ABCC8: variants seen among roughly 807,000 people sequenced by gnomAD.
ABCC8 encodes the protein ATP binding cassette subfamily C member 8.
In ABCC8, 137 loss-of-function variants were observed where a neutral mutation model predicts 188.0. That is an observed-to-expected ratio of 0.73 (90% CI 0.63 to 0.84). ABCC8 has a LOEUF of 0.84. Among genes scored for constraint, ABCC8 ranks in the 40% least tolerant of loss-of-function variants. The pLI is 0.00. For missense variants in ABCC8, 1,750 were observed against 2,072.7 expected (o/e 0.84, Z 3.02); for synonymous variants, 797 against 846.5 (o/e 0.94, Z 1.01).
At chr11:17,451,605 C>G (rs1293730862) in intron 7 of ABCC8, among the ~76,000 whole-genome samples, 1 of 152,236 alleles carries the variant, frequency 6.6e-6, no homozygotes, top group South Asian at 2.1e-4. Flanking sequence ...TCCTGTCTCC[C>G]ACATGACTAA....
chr11:17,428,531 T>C (rs1955698712), intron 13 of ABCC8, 34 bp downstream of exon 13: 1 of 1,613,488 alleles, frequency 6.2e-7, no homozygotes, highest in Non-Finnish European at 8.5e-7. Flanking sequence ...TAGAGGACCA[T>C]GCTGGGAGTA....
intron 29 of ABCC8, 47 bp from the exon 30 acceptor site, chr11:17,398,488 T>A (rs761599545): frequency 1.9e-6 from 3 of 1,610,592 alleles, no homozygotes; most frequent in Non-Finnish European, 2.5e-6. Flanking sequence ...TTGGTCCACA[T>A]AGCTCCTAGG....
In ABCC8 at chr11:17,476,615, C is replaced by A; in HGVS notation, c.148+14G>T. 1 of 1,610,102 alleles carries A rather than the reference C, an allele frequency of 6.2e-7. No individual in the cohort carries two copies. On this transcript the variant is annotated intron_variant, in intron 1 of 38. Coordinates refer to ENST00000389817, the MANE Select transcript of ABCC8 (RefSeq NM_000352.6). ...CTCCCGTCCCCTCCTCCGCGGCTCG[C>A]TGCGCGCACTCACCAATGAAGAGGA... is the stretch of plus-strand genomic sequence containing the variant.
chr11:17,397,321 G>T lies in ABCC8; in HGVS notation c.3868-8C>A. On this transcript the variant is annotated splice_polypyrimidine_tract_variant and splice_region_variant and intron_variant, in intron 31 of 38. Transcript: ENST00000389817. ...GTTGAGGTAGTTGGAGACCTGTGGG[G>T]AGCAAGCCAGTGGCGCACACTCCAT... 1 of 1,609,804 alleles carries T rather than the reference G, an allele frequency of 6.2e-7. No individual in the cohort carries two copies.
chr11:17,460,577 A>G lies in ABCC8; in HGVS notation c.922T>C (p.Leu308=). The change falls in exon 6 of 39, where the codon TTG becomes CTG. Residue 308 remains leucine (L), a synonymous_variant. Coordinates refer to ENST00000389817, the MANE Select transcript of ABCC8 (RefSeq NM_000352.6). ...CCGGCGAAGCCCAGCAGGTCGGCCA[A>G]GATGCGGAAAGTGCTGCTGAGGACC... ...RLVLSSTFRI[L]ADLLGFAGPL... 6.2e-7 allele frequency: 1 copy of G among 1,613,914 alleles called. No homozygotes were observed. The highest frequency in any genetic ancestry group is 8.5e-7 in the Non-Finnish European group (1 of 1,180,046).
Position 17,470,153 on chromosome 11 carries a change from G to T in ABCC8, c.360C>A (p.Ser120=). ...TCTCGATGTTGTGATAGTAGACCAC[G>T]GAGGTGACAGCAGCCATGAACGCCA... ...AGMAFMAAVT[S]VVYYHNIETS... The change falls in exon 3 of 39, where the codon TCC becomes TCA. Residue 120 remains serine, a synonymous_variant. Transcript: ENST00000389817. The T allele has an allele frequency of 6.2e-7, 1 of 1,614,148 alleles. No homozygotes were observed. Among genetic ancestry groups the T allele is most frequent in the Non-Finnish European group, 8.5e-7 (1 of 1,180,038 alleles).
At chr11:17,461,941 G>A (rs1957209581) in intron 4 of ABCC8, 116 bp from the exon 5 acceptor site, 24 of 1,493,214 alleles carry the variant, frequency 1.6e-5, no homozygotes, top group Middle Eastern at 3.6e-4. Flanking sequence ...AACAGATGGG[G>A]CCATCTTTCG....
rs192371917 is a variant in ABCC8, at chr11:17,393,030, C to T, written c.4707G>A (p.Lys1569=). ...GGACGAAGGAGGCGAAGACGCTGTC[C>T]TTCCGGCTGAGCAGCTTCTCTGGCT... The part of the protein sequence containing the change: ...FDKPEKLLSR[K]DSVFASFVRA... The change falls in exon 39 of 39, where the codon AAG becomes AAA. Residue 1569 remains lysine, a synonymous_variant. Transcript: ENST00000389817. The T allele has an allele frequency of 2.5e-6, 4 of 1,614,174 alleles. No homozygotes were observed. The highest frequency in any genetic ancestry group is 3.4e-6 in the Non-Finnish European group (4 of 1,180,048).
At chr11:17,437,752 T>G (rs560894017) in intron 10 of ABCC8, among the ~76,000 whole-genome samples, 1 of 152,170 alleles carries the variant, frequency 6.6e-6, no homozygotes, top group South Asian at 2.1e-4. Context: ...GGCCAGGATA[T>G]GCATAAGCAG....
intron 7 of ABCC8, among the ~76,000 whole-genome samples, chr11:17,451,475 A>T (rs1479346737): frequency 2.6e-5 from 4 of 152,228 alleles, no homozygotes; most frequent in Admixed American, 2.0e-4. Context: ...TGCACTGCAC[A>T]ACTTGGGAGG....
intron 6 of ABCC8, among the ~76,000 whole-genome samples, chr11:17,456,765 G>A (rs911794205): frequency 3.9e-5 from 6 of 152,340 alleles, no homozygotes; most frequent in Non-Finnish European, 7.4e-5. Context: ...GTGAGGCTAT[G>A]AAGGGACTTC....
chr11:17,466,654 T>A (rs1435661053), intron 3 of ABCC8, among the ~76,000 whole-genome samples: 1 of 78,278 alleles, frequency 1.3e-5, no homozygotes, highest in Non-Finnish European at 2.9e-5. Context: ...TCTCACTCTG[T>A]TGTCCAGGCT....
Position 17,407,718 on chromosome 11 carries a change from G to A in ABCC8, c.2821-265C>T, listed in dbSNP as rs181056160. On this transcript the variant is annotated intron_variant, in intron 23 of 38. Coordinates refer to ENST00000389817, the MANE Select transcript of ABCC8 (RefSeq NM_000352.6). The stretch of plus-strand genomic sequence containing the variant: ...GATTCAGGTGGATCTGGCTCCCAAA[G>A]TGGCACGTGACCCAGGACAGGCCAA... 4.7e-4 allele frequency among the ~76,000 whole-genome samples: 72 copies of A among 152,308 alleles called. 1 individual carries two copies. In the Middle Eastern group the frequency reaches 0.034, roughly 72 times the overall value.
intron 3 of ABCC8, 31 bp downstream of exon 3, chr11:17,470,070 G>T (rs1325481099): frequency 6.2e-7 from 1 of 1,610,644 alleles, no homozygotes; most frequent in Non-Finnish European, 8.5e-7. Context: ...ATGAATGAAG[G>T]TACTGCCCCT....
chr11:17,396,105 G>A, intron 33 of ABCC8, 175 bp from the exon 34 acceptor site: 1 of 1,414,440 alleles, frequency 7.1e-7, no homozygotes, highest in Non-Finnish European at 9.5e-7. Context: ...CCTGCAGTGG[G>A]TCCAGAGAGG....
In ABCC8 at chr11:17,461,642, T is replaced by C. The variant is rs774995480; in HGVS notation, c.763A>G (p.Ile255Val). 4 of 1,614,230 alleles carry C rather than the reference T, an allele frequency of 2.5e-6. No homozygotes were observed. Among genetic ancestry groups the C allele is most frequent in the East Asian group, 4.5e-5 (2 of 44,874 alleles). The part of the protein sequence containing the change: ...IDLRAIGKLP[I>V]AMRALTNYQR... ...TAGTTGGTGAGGGCCCTCATGGCGA[T>C]GGGCAGCTTCCCGATGGCTCGCAAG... is the stretch of plus-strand genomic sequence containing the variant. The change falls in exon 5 of 39, where the codon ATC becomes GTC. Residue 255 changes from isoleucine (I) to valine (V), a missense_variant. Transcript: ENST00000389817.
chr11:17,406,405 C>T, intron 26 of ABCC8: 1 of 598,676 alleles, frequency 1.7e-6, no homozygotes, highest in South Asian at 2.0e-5. Context: ...ATTAAATGAG[C>T]TAACCACACA....
chr11:17,467,350 G>A (rs12288157), intron 3 of ABCC8, among the ~76,000 whole-genome samples: 6,211 of 152,260 alleles, frequency 0.041, 137 homozygotes, highest in African/African-American at 0.054. Context: ...CCCAGGAAGC[G>A]GAGGTTGTAG....
chr11:17,392,605 C>A, downstream of ABCC8: 1 of 356,804 alleles, frequency 2.8e-6, no homozygotes, highest in Non-Finnish European at 5.5e-6. Context: ...AGAAGGCAGC[C>A]CTCTGCAAGC....
Sources: allele counts gnomAD v4.1 joint callset (sites outside exome capture counted in the v4.1 genomes callset), GRCh38; gene constraint gnomAD v4.1.1; transcripts MANE v1.5; gene names NCBI Gene and HGNC (gene_info 2026-07-23, HGNC 2026-07-21).